The following RNF144B variants were observed in gnomAD, a reference collection of about 807,000 sequenced individuals.
The protein encoded by RNF144B is E3 ubiquitin-protein ligase RNF144B.
A neutral mutation model predicts 40.2 loss-of-function variants in RNF144B; 25 were observed. That is an observed-to-expected ratio of 0.62 (90% CI 0.45 to 0.87). The LOEUF (loss-of-function observed/expected upper bound fraction) is 0.87, where lower values mean the gene tolerates loss of function less well. Among genes scored for constraint, RNF144B ranks in the 40% least tolerant of loss-of-function variants. RNF144B has a pLI of 0.00. For missense variants in RNF144B, 365 were observed against 373.7 expected, an observed-to-expected ratio of 0.98 and a Z score of 0.19; for synonymous variants, 145 against 136.3, an observed-to-expected ratio of 1.06 and a Z score of -0.44.
rs988611656 is a variant in RNF144B, at chr6:18,416,694, A to G, written c.166-10887A>G. Among the ~76,000 whole-genome samples, 1 of 152,206 alleles carries G rather than the reference A, an allele frequency of 6.6e-6. No individual in the cohort carries two copies. The highest frequency in any genetic ancestry group is 1.5e-5 in the Non-Finnish European group (1 of 68,040). On this transcript the variant is annotated intron_variant, in intron 2 of 7. Coordinates refer to ENST00000259939, the MANE Select transcript of RNF144B (RefSeq NM_182757.4). The surrounding 1 kb of genome is among the most constrained non-coding windows in gnomAD (Gnocchi z 5.5). ...AATCAGAGTTTTAAATTTTGCATAT[A>G]TAATTTCCCCCTTAAGCTTCCTTTG...
chr6:18,432,509 A>ATAT (rs1758716715), intron 3 of RNF144B, among the ~76,000 whole-genome samples: 1 of 152,250 alleles, frequency 6.6e-6, no homozygotes, highest in Non-Finnish European at 1.5e-5. Flanking sequence ...ACATGAAATT[A>ATAT]TGAGAGGCAG....
Position 18,459,570 on chromosome 6 carries a change from T to C in RNF144B, c.537-37T>C, listed in dbSNP as rs751367492. ...GCCCTGGGAATTCAACTGATGACCA[T>C]CAGCTGAATGCCATTTCTCATCCAT... is the stretch of plus-strand genomic sequence containing the variant. On this transcript the variant is annotated intron_variant, in intron 5 of 7. Coordinates refer to ENST00000259939, the MANE Select transcript of RNF144B (RefSeq NM_182757.4). The surrounding 1 kb of genome is among the most constrained non-coding windows in gnomAD (Gnocchi z 4.2). 6.2e-7 allele frequency: 1 copy of C among 1,603,960 alleles called. No homozygotes were observed. Among genetic ancestry groups the C allele is most frequent in the Non-Finnish European group, 8.5e-7 (1 of 1,172,720 alleles).
At position 18,387,664 on chromosome 6, in the gene RNF144B, G is replaced by C. The variant is rs182595684; in HGVS notation, c.-37+34G>C. On this transcript the variant is annotated intron_variant, in intron 1 of 7. Transcript: ENST00000259939. Reference sequence around the variant, plus strand: ...AGCGAGCTTTTTAAAGGCTACAGGCGTTGCAAGACCGGAATGGTGTTGCTG... The same window carrying C: ...AGCGAGCTTTTTAAAGGCTACAGGCCTTGCAAGACCGGAATGGTGTTGCTG... 958 of 1,286,996 alleles carry C rather than the reference G, an allele frequency of 7.4e-4. 2 individuals carry two copies. The highest frequency in any genetic ancestry group is 4.1e-3 in the East Asian group (73 of 17,986). The allele number at this position is 1,286,996 out of a possible 1,614,324, so 79.7% of individuals were successfully genotyped here. A position where few individuals can be genotyped will look rare whatever the true frequency, so the allele number is the denominator to read the frequency against.
At chr6:18,455,768 G>C (rs1759309519) in intron 4 of RNF144B, among the ~76,000 whole-genome samples, 1 of 152,072 alleles carries the variant, frequency 6.6e-6, no homozygotes. Context: ...TAAATAGATG[G>C]CTGTCAGTTC....
chr6:18,440,754 T>G (rs1758941380), intron 4 of RNF144B, among the ~76,000 whole-genome samples: 1 of 151,212 alleles, frequency 6.6e-6, no homozygotes, highest in African/African-American at 2.4e-5. Flanking sequence ...TAGATCTGGC[T>G]TGGTCTTATA....
At chr6:18,392,662 G>C in intron 1 of RNF144B, among the ~76,000 whole-genome samples, 1 of 152,128 alleles carries the variant, frequency 6.6e-6, no homozygotes, top group South Asian at 2.1e-4. Flanking sequence ...ACAGTGGCGA[G>C]AAAACAGAAG....
chr6:18,458,036 C>G lies in RNF144B; in HGVS notation c.536+677C>G, dbSNP rs1759370383. The stretch of plus-strand genomic sequence containing the variant: ...CACTGCAACCACTGCCTCCTGGGTT[C>G]AAGCGATTCTCCTGCCTCAGCCTCC... On this transcript the variant is annotated intron_variant, in intron 5 of 7. Coordinates refer to ENST00000259939, the MANE Select transcript of RNF144B (RefSeq NM_182757.4). This position sits in a 1 kb window ranked among gnomAD's most constrained non-coding sequence, Gnocchi z 4.8. Among the ~76,000 whole-genome samples, 1 of 152,042 alleles carries G rather than the reference C, an allele frequency of 6.6e-6. No homozygotes were observed. Among genetic ancestry groups the G allele is most frequent in the Non-Finnish European group, 1.5e-5 (1 of 68,010 alleles).
chr6:18,464,851 A>G lies in RNF144B; in HGVS notation c.772-76A>G, dbSNP rs896939748. 3.5e-6 allele frequency: 5 copies of G among 1,424,676 alleles called. No individual in the cohort carries two copies. The African/African-American group carries it at 5.6e-5, about 16-fold the overall frequency. 88.3% of individuals were successfully genotyped at this position (1,424,676 alleles called of 1,614,324 possible). ...GACACAAACATTTGGCCCACAGCAG[A>G]TAACAGTATAGTTGGAATAAGTATA... On this transcript the variant is annotated intron_variant, in intron 7 of 7. Coordinates refer to ENST00000259939, the MANE Select transcript of RNF144B (RefSeq NM_182757.4). This position sits in a 1 kb window ranked among gnomAD's most constrained non-coding sequence, Gnocchi z 6.1.
rs768938448 is a variant in RNF144B at position 18,425,257 on chromosome 6, C to T, written c.166-2324C>T. Reference sequence around the variant, plus strand: ...CTTTGTTTTCCTCAAACACCTTCCCCTTGAGCCTGGAGACTATATCTTTCA... The same window carrying T: ...CTTTGTTTTCCTCAAACACCTTCCCTTTGAGCCTGGAGACTATATCTTTCA... On this transcript the variant is annotated intron_variant, in intron 2 of 7. Transcript: ENST00000259939. This position sits in a 1 kb window ranked among gnomAD's most constrained non-coding sequence, Gnocchi z 4.2. 8.5e-5 allele frequency among the ~76,000 whole-genome samples: 13 copies of T among 152,186 alleles called. No homozygotes were observed. Among genetic ancestry groups the T allele is most frequent in the Admixed American group, 2.0e-4 (3 of 15,286 alleles).
At position 18,456,977 on chromosome 6, in the gene RNF144B, G is replaced by A. The variant is rs983048588; in HGVS notation, c.332-178G>A. Among the ~76,000 whole-genome samples the A allele has an allele frequency of 2.0e-5, 3 of 152,166 alleles. No individual in the cohort carries two copies. The highest frequency in any genetic ancestry group is 7.2e-5 in the African/African-American group (3 of 41,446). ...CTCGGGAGGCTGAGGCAGAAGAATC[G>A]GTTGAACCCAGGAGGGGAGGTTGCA... On this transcript the variant is annotated intron_variant, in intron 4 of 7. Coordinates refer to ENST00000259939, the MANE Select transcript of RNF144B (RefSeq NM_182757.4). This position sits in a 1 kb window ranked among gnomAD's most constrained non-coding sequence, Gnocchi z 4.7.
intron 2 of RNF144B, among the ~76,000 whole-genome samples, chr6:18,417,901 C>T (rs1795175815): frequency 1.3e-5 from 2 of 152,036 alleles, no homozygotes; most frequent in Admixed American, 6.6e-5. Context: ...ACAAATAACT[C>T]AGTTACAAAT....
rs1184379498 is a variant in RNF144B, at chr6:18,434,024, C to G, written c.271-5660C>G. Reference sequence around the variant, plus strand: ...ATGATCCACTTACTAGTGGTCAATTCCATCTCCAGATGTTCTGATATGTTT... The same window carrying G: ...ATGATCCACTTACTAGTGGTCAATTGCATCTCCAGATGTTCTGATATGTTT... On this transcript the variant is annotated intron_variant, in intron 3 of 7. Coordinates refer to ENST00000259939, the MANE Select transcript of RNF144B (RefSeq NM_182757.4). The surrounding 1 kb of genome is among the most constrained non-coding windows in gnomAD (Gnocchi z 4.1). Among the ~76,000 whole-genome samples the G allele has an allele frequency of 1.3e-5, 2 of 152,128 alleles. No homozygotes were observed. Among genetic ancestry groups the G allele is most frequent in the African/African-American group, 4.8e-5 (2 of 41,434 alleles).
intron 2 of RNF144B, among the ~76,000 whole-genome samples, chr6:18,409,536 T>C (rs552642530): frequency 2.0e-5 from 3 of 149,770 alleles, no homozygotes; most frequent in Non-Finnish European, 4.4e-5. Context: ...CAGAATTCTT[T>C]TGGGACAAAC....
rs898123817 is a variant in RNF144B at position 18,400,197 on chromosome 6, T to C, written c.165+498T>C. Among the ~76,000 whole-genome samples, 1 of 149,560 alleles carries C rather than the reference T, an allele frequency of 6.7e-6. No homozygotes were observed. The highest frequency in any genetic ancestry group is 2.5e-5 in the African/African-American group (1 of 40,364). Reference sequence around the variant, plus strand: ...CGGAGGCAGGAGAATGGCGTGAACCTGGGAGGCAGAGCTTGCAGTGAGCCG... The same window carrying C: ...CGGAGGCAGGAGAATGGCGTGAACCCGGGAGGCAGAGCTTGCAGTGAGCCG... On this transcript the variant is annotated intron_variant, in intron 2 of 7. Transcript: ENST00000259939. The surrounding 1 kb of genome is among the most constrained non-coding windows in gnomAD (Gnocchi z 5.6).
At position 18,414,195 on chromosome 6, in the gene RNF144B, C is replaced by G. The variant is rs919735699; in HGVS notation, c.166-13386C>G. 6.6e-6 allele frequency among the ~76,000 whole-genome samples: 1 copy of G among 152,154 alleles called. No individual in the cohort carries two copies. Among genetic ancestry groups the G allele is most frequent in the Admixed American group, 6.5e-5 (1 of 15,272 alleles). ...AATAATTTTGAATAAAATGAGATTT[C>G]TAATAACCAACCTAGTCATTGTCCA... On this transcript the variant is annotated intron_variant, in intron 2 of 7. Coordinates refer to ENST00000259939, the MANE Select transcript of RNF144B (RefSeq NM_182757.4). The surrounding 1 kb of genome is among the most constrained non-coding windows in gnomAD (Gnocchi z 4.9).
chr6:18,407,700 A>G lies in RNF144B; in HGVS notation c.165+8001A>G, dbSNP rs2113471591. ...AAATTGGTTAGAATCTAATTTTACT[A>G]TTCCTGGTTGAAATCTAATTCTACT... On this transcript the variant is annotated intron_variant, in intron 2 of 7. Transcript: ENST00000259939. Among the ~76,000 whole-genome samples the G allele has an allele frequency of 1.3e-5, 2 of 152,344 alleles. 1 individual carries two copies. Among genetic ancestry groups the G allele is most frequent in the South Asian group, 4.1e-4 (2 of 4,832 alleles).
intron 2 of RNF144B, among the ~76,000 whole-genome samples, chr6:18,426,150 A>C (rs748867657): frequency 2.0e-5 from 3 of 152,240 alleles, no homozygotes; most frequent in Non-Finnish European, 1.5e-5. Context: ...CTTTTGGCTC[A>C]TGCTTTTATA....
intron 2 of RNF144B, 97 bp downstream of exon 2, chr6:18,399,796 G>C (rs1794764890): frequency 1.1e-6 from 1 of 918,524 alleles, no homozygotes; most frequent in African/African-American, 1.6e-5. Context: ...ACCAGAGTGT[G>C]CTACAATATG....
intron 4 of RNF144B, among the ~76,000 whole-genome samples, chr6:18,452,304 G>A (rs544198739): frequency 1.8e-4 from 27 of 152,146 alleles, no homozygotes; most frequent in Non-Finnish European, 3.5e-4. Context: ...TCCATGAAAT[G>A]AATAGACAGC....
Sources: allele counts gnomAD v4.1 joint callset (sites outside exome capture counted in the v4.1 genomes callset), GRCh38; gene constraint gnomAD v4.1.1; non-coding constraint Gnocchi (gnomAD v3.1); transcripts MANE v1.5; gene names NCBI Gene and HGNC (gene_info 2026-07-23, HGNC 2026-07-21).